The following NRDC variants were observed in gnomAD, a reference collection of about 807,000 sequenced individuals.
NRDC encodes nardilysin convertase.
A neutral mutation model predicts 147.1 loss-of-function variants in NRDC; 54 were observed. That is an observed-to-expected ratio of 0.37 (90% CI 0.29 to 0.46). NRDC has a LOEUF of 0.46. Among genes scored for constraint, NRDC ranks in the 20% least tolerant of loss-of-function variants. The probability of loss-of-function intolerance (pLI) is 1.00; values close to 1 mark genes in which losing one functional copy is unlikely to be tolerated. For synonymous variants in NRDC, 440 were observed against 482.1 expected, an observed-to-expected ratio of 0.91 and a Z score of 1.14; for missense variants, 1,082 against 1,370.6, an observed-to-expected ratio of 0.79 and a Z score of 3.33.
At chr1:51,796,431 G>T (rs1678915955) in intron 22 of NRDC, among the ~76,000 whole-genome samples, 1 of 151,004 alleles carries the variant, frequency 6.6e-6, no homozygotes, top group African/African-American at 2.4e-5. Flanking sequence ...ATAGAGACAG[G>T]TTTTCACCAT....
chr1:51,842,899 C>T (rs10888737), intron 1 of NRDC, among the ~76,000 whole-genome samples: 1 of 151,420 alleles, frequency 6.6e-6, no homozygotes, highest in Non-Finnish European at 1.5e-5. Flanking sequence ...AACCCCATCT[C>T]TACAAAAAAA....
chr1:51,827,245 A>C (rs546663660), intron 5 of NRDC, among the ~76,000 whole-genome samples: 1 of 152,196 alleles, frequency 6.6e-6, no homozygotes, highest in African/African-American at 2.4e-5. Flanking sequence ...AATGCTTTAC[A>C]TCATTATTAG....
intron 1 of NRDC, 196 bp downstream of exon 1, chr1:51,878,079 C>T (rs1357609772): frequency 7.1e-7 from 1 of 1,418,068 alleles, no homozygotes; most frequent in Non-Finnish European, 9.2e-7. Flanking sequence ...GTCTTACAAC[C>T]CAAGATCTCC....
At position 51,809,304 on chromosome 1, in the gene NRDC, A is replaced by G. The variant is rs755355334; in HGVS notation, c.1990+11T>C. Reference sequence around the variant, plus strand: ...GGATGGATTATGTATAAAAATTGCTATTTTACTGACCTATGTACTTGTTTT... The same window carrying G: ...GGATGGATTATGTATAAAAATTGCTGTTTTACTGACCTATGTACTTGTTTT... On this transcript the variant is annotated intron_variant, in intron 17 of 30. Coordinates refer to ENST00000352171, the MANE Select transcript of NRDC (RefSeq NM_001101662.2). 19 of 1,596,504 alleles carry G rather than the reference A, an allele frequency of 1.2e-5. No individual in the cohort carries two copies. Among genetic ancestry groups the G allele is most frequent in the Non-Finnish European group, 1.5e-5 (17 of 1,164,212 alleles).
intron 1 of NRDC, among the ~76,000 whole-genome samples, chr1:51,848,180 T>C (rs976686633): frequency 1.3e-5 from 2 of 152,080 alleles, no homozygotes; most frequent in Non-Finnish European, 2.9e-5. Context: ...TGTATATAAA[T>C]AAAAAATAAT....
chr1:51,854,374 A>C (rs1463532187), intron 1 of NRDC, among the ~76,000 whole-genome samples: 1 of 152,216 alleles, frequency 6.6e-6, no homozygotes, highest in Non-Finnish European at 1.5e-5. Flanking sequence ...TCTCAAAAAA[A>C]TAAAGAAAAG....
chr1:51,815,182 CTTTTTT>C (rs869244434), intron 11 of NRDC, among the ~76,000 whole-genome samples: 10,750 of 125,476 alleles, frequency 0.086, 452 homozygotes, highest in Middle Eastern at 0.24. Context: ...ACCTTTTTTT[CTTTTTT>C]TTTTTTTTTT....
At chr1:51,863,040 A>G (rs1397492777) in intron 1 of NRDC, among the ~76,000 whole-genome samples, 3 of 146,352 alleles carry the variant, frequency 2.0e-5, no homozygotes, top group Non-Finnish European at 4.5e-5. Context: ...AAAAAAAAAC[A>G]AGCAATAACC....
intron 4 of NRDC, among the ~76,000 whole-genome samples, chr1:51,831,610 G>A (rs7556535): frequency 0.02 from 3,041 of 150,070 alleles, 109 homozygotes; most frequent in African/African-American, 0.072. Flanking sequence ...ACAGGGTCTC[G>A]GTCCATCACC....
At chr1:51,876,907 G>A (rs1683355346) in intron 1 of NRDC, among the ~76,000 whole-genome samples, 2 of 152,302 alleles carry the variant, frequency 1.3e-5, no homozygotes, top group African/African-American at 4.8e-5. Flanking sequence ...ATCGGCAAAC[G>A]GGCTGGGCGG....
chr1:51,810,063 C>T (rs892918181), intron 16 of NRDC, among the ~76,000 whole-genome samples: 1 of 152,056 alleles, frequency 6.6e-6, no homozygotes, highest in Non-Finnish European at 1.5e-5. Flanking sequence ...ACTCTGCCCC[C>T]AAAATACCAA....
chr1:51,853,926 A>C (rs1221972790), intron 1 of NRDC, among the ~76,000 whole-genome samples: 3 of 152,224 alleles, frequency 2.0e-5, no homozygotes, highest in African/African-American at 7.2e-5. Context: ...AAAGTTATGC[A>C]TATCAATCTT....
intron 1 of NRDC, among the ~76,000 whole-genome samples, chr1:51,875,277 T>C (rs967720111): frequency 1.3e-5 from 2 of 152,200 alleles, no homozygotes; most frequent in East Asian, 1.9e-4. Context: ...ACAGGTAATA[T>C]GGAAGAACTG....
intron 20 of NRDC, 192 bp from the exon 21 acceptor site, chr1:51,800,875 T>A (rs1679161916): frequency 3.5e-6 from 2 of 568,078 alleles, no homozygotes; most frequent in African/African-American, 3.8e-5. Context: ...AGGATATCAC[T>A]GGTCACCCAG....
At chr1:51,827,548 T>G (rs1443079078) in intron 5 of NRDC, among the ~76,000 whole-genome samples, 2 of 152,198 alleles carry the variant, frequency 1.3e-5, no homozygotes, top group Non-Finnish European at 2.9e-5. Flanking sequence ...CTCAAAAGAT[T>G]AGCCCCTATG....
rs1330784363 is a variant in NRDC, at chr1:51,798,212, G to A, written c.2604+37C>T. ...TATGGCAATTCCAGAGTTCACAACT[G>A]CATTCAGACCTGGCCTACAGAGCAT... On this transcript the variant is annotated intron_variant, in intron 22 of 30. Transcript: ENST00000352171. 10 of 1,602,632 alleles carry A rather than the reference G, an allele frequency of 6.2e-6. No individual in the cohort carries two copies. In the South Asian group the frequency reaches 1.1e-4, roughly 18 times the overall value.
chr1:51,818,183 G>T, intron 9 of NRDC, 48 bp from the exon 10 acceptor site: 1 of 1,215,008 alleles, frequency 8.2e-7, no homozygotes, highest in South Asian at 1.4e-5. Context: ...GTTTCTCTAT[G>T]ACTTTTACTA....
At chr1:51,812,141 T>G (rs758083302) in intron 14 of NRDC, 43 bp from the exon 15 acceptor site, 1 of 1,321,548 alleles carries the variant, frequency 7.6e-7, no homozygotes, top group Non-Finnish European at 1.1e-6. Flanking sequence ...TTCTCCATTA[T>G]TATATTTGAT....
chr1:51,853,155 C>T (rs904453687), intron 1 of NRDC, among the ~76,000 whole-genome samples: 2 of 151,356 alleles, frequency 1.3e-5, no homozygotes, highest in Non-Finnish European at 2.9e-5. Flanking sequence ...ACCTGGGAGG[C>T]GGAGGTTGCA....
Sources: allele counts gnomAD v4.1 joint callset (sites outside exome capture counted in the v4.1 genomes callset), GRCh38; gene constraint gnomAD v4.1.1; transcripts MANE v1.5; gene names NCBI Gene and HGNC (gene_info 2026-07-23, HGNC 2026-07-21).